CC2D1A: variants seen among roughly 807,000 people sequenced by gnomAD.
CC2D1A encodes coiled-coil and C2 domain-containing protein 1A.
Under a neutral mutation model 123.8 loss-of-function variants are expected in CC2D1A, and 68 were observed. That is an observed-to-expected ratio of 0.55 (90% CI 0.45 to 0.67). The LOEUF is 0.67. CC2D1A is among the 30% of genes least tolerant of loss of function. The probability of loss-of-function intolerance (pLI) is 0.00; values close to 1 mark genes in which losing one functional copy is unlikely to be tolerated. For missense variants in CC2D1A, 1,185 were observed against 1,290.3 expected (o/e 0.92, Z 1.25); for synonymous variants, 477 against 528.0 (o/e 0.90, Z 1.32).
At position 13,906,631 on chromosome 19, in the gene CC2D1A, C is replaced by T; in HGVS notation, c.60+130C>T. The T allele has an allele frequency of 3.6e-6, 2 of 555,032 alleles. No homozygotes were observed. Among genetic ancestry groups the T allele is most frequent in the Non-Finnish European group, 6.1e-6 (2 of 329,340 alleles). The allele number at this position is 555,032 out of a possible 1,614,324, so 34.4% of individuals were successfully genotyped here. ...GTAAGCCCCGGTCCCCGCCTCCCCC[C>T]AGGTGAGGCTCCAACACCACCCAAG... is the stretch of plus-strand genomic sequence containing the variant. On this transcript the variant is annotated intron_variant, in intron 1 of 28. Coordinates refer to ENST00000318003, the MANE Select transcript of CC2D1A (RefSeq NM_017721.5). This position sits in a 1 kb window ranked among gnomAD's most constrained non-coding sequence, Gnocchi z 4.1.
chr19:13,916,009 A>G (rs191029711), intron 6 of CC2D1A, among the ~76,000 whole-genome samples: 7 of 151,992 alleles, frequency 4.6e-5, no homozygotes, highest in Admixed American at 4.6e-4. Context: ...TAATCCCAGC[A>G]CTTTGGGACA....
At position 13,906,250 on chromosome 19, in the gene CC2D1A, C is replaced by T; in HGVS notation, c.-192C>T. ...CGAGCCCAGTGGCCGCGCTCCGGTG[C>T]GGCGGCGCCCGAGGCCCGAGGCGGA... is the stretch of plus-strand genomic sequence containing the variant. On this transcript the variant is annotated 5_prime_UTR_variant, in exon 1 of 29. Coordinates refer to ENST00000318003, the MANE Select transcript of CC2D1A (RefSeq NM_017721.5). The surrounding 1 kb of genome is among the most constrained non-coding windows in gnomAD (Gnocchi z 4.1). 4.4e-6 allele frequency: 2 copies of T among 454,414 alleles called. No individual in the cohort carries two copies. Among genetic ancestry groups the T allele is most frequent in the Non-Finnish European group, 7.7e-6 (2 of 259,864 alleles). 28.1% of individuals were successfully genotyped at this position (454,414 alleles called of 1,614,324 possible).
Position 13,923,512 on chromosome 19 carries a change from T to C in CC2D1A, c.1765-36T>C. 2 of 1,614,016 alleles carry C rather than the reference T, an allele frequency of 1.2e-6. No individual in the cohort carries two copies. The highest frequency in any genetic ancestry group is 1.7e-6 in the Non-Finnish European group (2 of 1,179,950). Reference sequence around the variant, plus strand: ...GAGCGTGACCCTCCTTCCCCTCTCTTCCCTTCCCTCGACTCACTGCCTTCT... The same window carrying C: ...GAGCGTGACCCTCCTTCCCCTCTCTCCCCTTCCCTCGACTCACTGCCTTCT... On this transcript the variant is annotated intron_variant, in intron 15 of 28. Transcript: ENST00000318003. This position sits in a 1 kb window ranked among gnomAD's most constrained non-coding sequence, Gnocchi z 5.3.
intron 1 of CC2D1A, 122 bp from the exon 2 acceptor site, chr19:13,909,701 G>A (rs1258134246): frequency 1.5e-6 from 2 of 1,333,256 alleles, no homozygotes; most frequent in African/African-American, 2.9e-5. Flanking sequence ...GCACTCCCCA[G>A]GGAAATGGCT....
chr19:13,928,715 T>C (rs1461097831), intron 24 of CC2D1A, among the ~76,000 whole-genome samples: 1 of 146,212 alleles, frequency 6.8e-6, no homozygotes, highest in Non-Finnish European at 1.5e-5. Flanking sequence ...TTTTTTTTTT[T>C]TTTTTTTTTT....
Position 13,930,414 on chromosome 19 carries a change from A to G in CC2D1A, c.*19A>G, listed in dbSNP as rs1425280582. 1 of 1,596,710 alleles carries G rather than the reference A, an allele frequency of 6.3e-7. No individual in the cohort carries two copies. The highest frequency in any genetic ancestry group is 1.1e-5 in the South Asian group (1 of 89,608). On this transcript the variant is annotated 3_prime_UTR_variant, in exon 29 of 29. Transcript: ENST00000318003. This position sits in a 1 kb window ranked among gnomAD's most constrained non-coding sequence, Gnocchi z 6.8. ...CAGGTGAGGAGCCCATGGGGCGGGC[A>G]GCCCCCAGAAAGCGGGCAGCAGGCC...
intron 6 of CC2D1A, among the ~76,000 whole-genome samples, chr19:13,916,564 C>T (rs1229892722): frequency 6.6e-6 from 1 of 151,506 alleles, no homozygotes; most frequent in African/African-American, 2.4e-5. Flanking sequence ...ACCCTGTCTC[C>T]AAAAAAATAA....
At position 13,913,389 on chromosome 19, in the gene CC2D1A, C is replaced by CACGCCTT. The variant is rs773927928; in HGVS notation, c.514-13_514-7dup. The stretch of plus-strand genomic sequence containing the variant: ...TCTTGGCTTCTCCCAAACCAATACT[C>CACGCCTT]ACGCCTTATCTTAGACACTGGAAAA... On this transcript the variant is annotated splice_polypyrimidine_tract_variant and intron_variant, in intron 5 of 28. Transcript: ENST00000318003. 5 of 1,612,568 alleles carry CACGCCTT rather than the reference C, an allele frequency of 3.1e-6. No individual in the cohort carries two copies. The highest frequency in any genetic ancestry group is 3.4e-6 in the Non-Finnish European group (4 of 1,179,034).
At position 13,930,065 on chromosome 19, in the gene CC2D1A, C is replaced by T. The variant is rs1257899799; in HGVS notation, c.2711-13C>T. The T allele has an allele frequency of 6.2e-7, 1 of 1,611,994 alleles. No homozygotes were observed. Among genetic ancestry groups the T allele is most frequent in the Non-Finnish European group, 8.5e-7 (1 of 1,179,228 alleles). On this transcript the variant is annotated splice_polypyrimidine_tract_variant and intron_variant, in intron 26 of 28. Transcript: ENST00000318003. This position sits in a 1 kb window ranked among gnomAD's most constrained non-coding sequence, Gnocchi z 6.8. ...CCACCCTAAGCCTCCATTCCCCCGC[C>T]ATCCATTCTCAGAATACGCAGCCCA...
chr19:13,927,670 C>G (rs1054879605), intron 22 of CC2D1A: 1 of 544,360 alleles, frequency 1.8e-6, no homozygotes, highest in South Asian at 2.2e-5. Context: ...CCCAGCTACT[C>G]GGGAGGCTGA....
intron 2 of CC2D1A, 125 bp downstream of exon 2, chr19:13,910,083 A>G (rs765764348): frequency 1.2e-4 from 107 of 878,306 alleles, no homozygotes; most frequent in Middle Eastern, 3.5e-4. Flanking sequence ...CCTGGAGCCA[A>G]TGATCTGGGT....
chr19:13,918,714 C>T (rs1182066538), intron 8 of CC2D1A, 32 bp from the exon 9 acceptor site: 4 of 1,598,072 alleles, frequency 2.5e-6, no homozygotes, highest in Admixed American at 1.7e-5. Context: ...AGCTAACAAG[C>T]CCCTCATTGG....
intron 24 of CC2D1A, 47 bp from the exon 25 acceptor site, chr19:13,929,332 G>A (rs1245822670): frequency 6.3e-7 from 1 of 1,591,470 alleles, no homozygotes; most frequent in African/African-American, 1.3e-5. Flanking sequence ...TAACAGGGTT[G>A]GGCTGGGGGA....
chr19:13,911,236 T>A (rs183274234), intron 2 of CC2D1A, among the ~76,000 whole-genome samples: 97 of 152,240 alleles, frequency 6.4e-4, no homozygotes, highest in African/African-American at 2.2e-3. Flanking sequence ...CAAAAAAGGT[T>A]ATGACTGGAG....
Position 13,923,766 on chromosome 19 carries a change from C to G in CC2D1A, c.1895C>G (p.Pro632Arg). 1.2e-6 allele frequency: 2 copies of G among 1,614,190 alleles called. No homozygotes were observed. The highest frequency in any genetic ancestry group is 1.7e-6 in the Non-Finnish European group (2 of 1,180,024). Reference protein sequence around the residue: ...ILKQAFVRGLPTPTARFEQRT... With the variant: ...ILKQAFVRGLRTPTARFEQRT... ...AAGCAAGCCTTCGTCCGGGGTCTCC[C>G]CACGCCCACCGCCCGCTTTGAGCAA... Residue 632 changes from proline to arginine, a missense_variant, in exon 17 of 29, where the codon CCC (proline) becomes CGC (arginine). Pro to Arg is a moderately radical substitution (Grantham distance 103, BLOSUM62 -2). Coordinates refer to ENST00000318003, the MANE Select transcript of CC2D1A (RefSeq NM_017721.5). The surrounding 1 kb of genome is among the most constrained non-coding windows in gnomAD (Gnocchi z 5.3).
chr19:13,913,968 A>ACCTCCG (rs2145313335), intron 6 of CC2D1A, among the ~76,000 whole-genome samples: 1 of 151,340 alleles, frequency 6.6e-6, no homozygotes, highest in South Asian at 2.1e-4. Context: ...TACAACCTCC[A>ACCTCCG]CCTCCCAAGT....
chr19:13,915,543 TG>T (rs766111908), intron 6 of CC2D1A, among the ~76,000 whole-genome samples: 84 of 151,668 alleles, frequency 5.5e-4, no homozygotes, highest in Middle Eastern at 3.4e-3. Flanking sequence ...CCACCACCCC[TG>T]GCCTCAACAC....
intron 12 of CC2D1A, 68 bp from the exon 13 acceptor site, chr19:13,920,489 T>C: frequency 2.1e-6 from 2 of 953,348 alleles, no homozygotes; most frequent in East Asian, 2.6e-5. Flanking sequence ...CATCAGACCC[T>C]GATCCTTGGG....
intron 1 of CC2D1A, among the ~76,000 whole-genome samples, chr19:13,909,187 A>G (rs1009311041): frequency 1.1e-4 from 17 of 151,990 alleles, no homozygotes; most frequent in African/African-American, 4.1e-4. Context: ...CCTGGCTAAC[A>G]AGGTGAAACC....
Sources: allele counts gnomAD v4.1 joint callset (sites outside exome capture counted in the v4.1 genomes callset), GRCh38; gene constraint gnomAD v4.1.1; non-coding constraint Gnocchi (gnomAD v3.1); transcripts MANE v1.5; gene names NCBI Gene and HGNC (gene_info 2026-07-23, HGNC 2026-07-21).